Variants in CACNG2 observed in about 807,000 individuals in gnomAD.
CACNG2 encodes calcium voltage-gated channel auxiliary subunit gamma 2.
Under a neutral mutation model 25.9 loss-of-function variants are expected in CACNG2, and 3 were observed. The ratio of observed to expected loss-of-function variants is 0.12; its 90% confidence interval spans 0.05 to 0.30. The LOEUF (loss-of-function observed/expected upper bound fraction) is 0.30, where lower values mean the gene tolerates loss of function less well. Among genes scored for constraint, CACNG2 ranks in the 10% least tolerant of loss-of-function variants. The pLI is 1.00. For synonymous variants in CACNG2, 167 were observed against 173.3 expected, an observed-to-expected ratio of 0.96 and a Z score of 0.29; for missense variants, 341 against 432.5, an observed-to-expected ratio of 0.79 and a Z score of 1.88.
chr22:36,624,136 T>C (rs1330568366), intron 1 of CACNG2, among the ~76,000 whole-genome samples: 1 of 152,118 alleles, frequency 6.6e-6, no homozygotes, highest in Non-Finnish European at 1.5e-5. Flanking sequence ...CCAGATTCCC[T>C]GGAATTCATG....
intron 1 of CACNG2, among the ~76,000 whole-genome samples, chr22:36,607,405 G>A (rs182064807): frequency 5.9e-5 from 9 of 152,082 alleles, no homozygotes; most frequent in East Asian, 1.9e-4. Flanking sequence ...ACAGACACGC[G>A]CAATCATGCT....
intron 1 of CACNG2, among the ~76,000 whole-genome samples, chr22:36,626,218 C>T (rs1238386613): frequency 3.3e-5 from 5 of 152,204 alleles, no homozygotes; most frequent in East Asian, 3.8e-4. Flanking sequence ...CCGCACCCGG[C>T]GACACCTTTA....
At chr22:36,673,095 G>T (rs1404408992) in intron 1 of CACNG2, among the ~76,000 whole-genome samples, 1 of 152,184 alleles carries the variant, frequency 6.6e-6, no homozygotes, top group Non-Finnish European at 1.5e-5. Flanking sequence ...GCATGGTGGT[G>T]CATGCCTGTA....
At chr22:36,670,775 G>C (rs372847476) in intron 1 of CACNG2, among the ~76,000 whole-genome samples, 6 of 151,914 alleles carry the variant, frequency 3.9e-5, no homozygotes, top group Non-Finnish European at 7.4e-5. Flanking sequence ...GAGACTACAG[G>C]GGAACATCAC....
chr22:36,683,820 T>C (rs545393014), intron 1 of CACNG2, among the ~76,000 whole-genome samples: 46 of 152,196 alleles, frequency 3.0e-4, no homozygotes, highest in Admixed American at 1.9e-3. Context: ...AATCAGTGTG[T>C]CAACAAGGGA....
chr22:36,659,738 C>T (rs1159115484), intron 1 of CACNG2, among the ~76,000 whole-genome samples: 2 of 152,058 alleles, frequency 1.3e-5, no homozygotes, highest in East Asian at 1.9e-4. Flanking sequence ...CTTGGGAGAT[C>T]AGAAAGACCT....
At chr22:36,649,861 G>T (rs550347387) in intron 1 of CACNG2, among the ~76,000 whole-genome samples, 1 of 152,306 alleles carries the variant, frequency 6.6e-6, no homozygotes, top group African/African-American at 2.4e-5. Context: ...CACCATGATT[G>T]TAAGGTCTCC....
chr22:36,643,506 A>G (rs757611186), intron 1 of CACNG2, among the ~76,000 whole-genome samples: 27 of 151,808 alleles, frequency 1.8e-4, no homozygotes, highest in Non-Finnish European at 3.4e-4. Flanking sequence ...CTATCTATCT[A>G]TCTATCTATC....
chr22:36,649,704 A>G (rs1258324699), intron 1 of CACNG2, among the ~76,000 whole-genome samples: 2 of 152,148 alleles, frequency 1.3e-5, no homozygotes, highest in African/African-American at 4.8e-5. Flanking sequence ...GAGGTAACTG[A>G]ATCACAGGGT....
At chr22:36,622,471 A>T (rs1936120451) in intron 1 of CACNG2, among the ~76,000 whole-genome samples, 1 of 152,202 alleles carries the variant, frequency 6.6e-6, no homozygotes, top group Admixed American at 6.5e-5. Context: ...ATGGGTTTAG[A>T]TCTTACTTCC....
Position 36,606,943 on chromosome 22 carries a change from T to C in CACNG2, c.212-19395A>G, listed in dbSNP as rs1935845502. On this transcript the variant is annotated intron_variant, in intron 1 of 3. Transcript: ENST00000300105. This position sits in a 1 kb window ranked among gnomAD's most constrained non-coding sequence, Gnocchi z 5.7. ...GTGTATATGTGTGTATGTGTTTATATGGGTGTGTGTAGGTATTATGTGTAT... is the reference window on the plus strand; with the variant it reads ...GTGTATATGTGTGTATGTGTTTATACGGGTGTGTGTAGGTATTATGTGTAT... 6.6e-6 allele frequency among the ~76,000 whole-genome samples: 1 copy of C among 151,524 alleles called. No homozygotes were observed. Among genetic ancestry groups the C allele is most frequent in the Admixed American group, 6.6e-5 (1 of 15,180 alleles).
intron 1 of CACNG2, among the ~76,000 whole-genome samples, chr22:36,687,783 G>C (rs986191719): frequency 1.3e-5 from 2 of 152,108 alleles, no homozygotes; most frequent in Non-Finnish European, 2.9e-5. Flanking sequence ...GGAGAATCAC[G>C]AGAAGGACTC....
At chr22:36,568,570 A>T (rs1935167903) in intron 2 of CACNG2, among the ~76,000 whole-genome samples, 1 of 151,456 alleles carries the variant, frequency 6.6e-6, no homozygotes, top group Non-Finnish European at 1.5e-5. Flanking sequence ...ACACCTGGCT[A>T]GTTTTTGTAT....
At chr22:36,665,532 G>A (rs953554351) in intron 1 of CACNG2, among the ~76,000 whole-genome samples, 3 of 152,206 alleles carry the variant, frequency 2.0e-5, no homozygotes, top group East Asian at 1.9e-4. Flanking sequence ...CCAACAACTC[G>A]ACTCAAAAAT....
chr22:36,696,832 C>T (rs940549973), intron 1 of CACNG2, among the ~76,000 whole-genome samples: 3 of 152,116 alleles, frequency 2.0e-5, no homozygotes, highest in African/African-American at 4.8e-5. Context: ...CAGCAACTGC[C>T]CTTCGAGGAG....
intron 1 of CACNG2, among the ~76,000 whole-genome samples, chr22:36,668,523 C>T (rs918598791): frequency 1.3e-5 from 2 of 150,852 alleles, no homozygotes. Context: ...GGATCTTGCT[C>T]TGTTGCCCAG....
intron 2 of CACNG2, among the ~76,000 whole-genome samples, chr22:36,577,445 A>C (rs1935339613): frequency 1.3e-5 from 2 of 151,912 alleles, no homozygotes; most frequent in Admixed American, 1.3e-4. Context: ...AGGTCAAGAG[A>C]TCGAGACCAT....
At chr22:36,689,172 C>A (rs1961039685) in intron 1 of CACNG2, among the ~76,000 whole-genome samples, 1 of 152,116 alleles carries the variant, frequency 6.6e-6, no homozygotes, top group East Asian at 1.9e-4. Flanking sequence ...GGTTTTGATA[C>A]CTGCCTGTCT....
At chr22:36,588,183 G>T (rs886128889) in intron 1 of CACNG2, among the ~76,000 whole-genome samples, 2 of 152,194 alleles carry the variant, frequency 1.3e-5, no homozygotes, top group South Asian at 4.1e-4. Context: ...CCTGTGAGGG[G>T]GGTATTATCA....
Sources: gnomAD v4.1 joint callset for allele counts (sites outside exome capture counted in the v4.1 genomes callset) on GRCh38, gnomAD v4.1.1 for gene constraint, Gnocchi (gnomAD v3.1) non-coding constraint, MANE v1.5 for transcripts, NCBI Gene and HGNC (gene_info 2026-07-23, HGNC 2026-07-21) for gene names.